The following KCNA2 variants were observed in gnomAD, a reference collection of about 807,000 sequenced individuals.
KCNA2 encodes the protein potassium channel, voltage gated shaker related subfamily A, member 2.
A neutral mutation model predicts 33.4 loss-of-function variants in KCNA2; 11 were observed. That is an observed-to-expected ratio of 0.33 (90% CI 0.21 to 0.55). The LOEUF (loss-of-function observed/expected upper bound fraction) is 0.55. Ranked by LOEUF, KCNA2 falls within the 20% of genes least tolerant of loss-of-function variation. KCNA2 has a pLI of 0.93. For synonymous variants in KCNA2, 222 were observed against 231.3 expected (o/e 0.96, Z 0.37); for missense variants, 291 against 621.6 (o/e 0.47, Z 5.66).
chr1:110,616,713 A>T (rs1650078238), intron 1 of KCNA2, among the ~76,000 whole-genome samples: 1 of 152,258 alleles, frequency 6.6e-6, no homozygotes, highest in Admixed American at 6.5e-5. Flanking sequence ...CTGTAGCCAC[A>T]TAGCCAGCAG....
In KCNA2 at chr1:110,604,987, T is replaced by C. The variant is rs1649534857; in HGVS notation, c.-163-42A>G. On this transcript the variant is annotated intron_variant, in intron 2 of 2. Coordinates refer to ENST00000316361, the MANE Select transcript of KCNA2 (RefSeq NM_004974.4). The surrounding 1 kb of genome is among the most constrained non-coding windows in gnomAD (Gnocchi z 7.6). ...GTTATTGACATGAGGCTACTCAGCA[T>C]TGGCAGCCTGACCTGGGTTGCCACT... is the stretch of plus-strand genomic sequence containing the variant. 7 of 561,616 alleles carry C rather than the reference T, an allele frequency of 1.2e-5. No individual in the cohort carries two copies. The highest frequency in any genetic ancestry group is 3.5e-5 in the Admixed American group (1 of 28,536). The allele number at this position is 561,616 out of a possible 1,614,324, so 34.8% of individuals were successfully genotyped here. A position where few individuals can be genotyped will look rare whatever the true frequency, so the allele number is the denominator to read the frequency against.
chr1:110,619,162 C>G (rs1018919447), intron 1 of KCNA2, among the ~76,000 whole-genome samples: 1 of 152,174 alleles, frequency 6.6e-6, no homozygotes, highest in African/African-American at 2.4e-5. Context: ...AGAATGCATC[C>G]CTGTGGCCTG....
chr1:110,600,540 T>A lies in KCNA2; in HGVS notation c.*2743A>T. On this transcript the variant is annotated 3_prime_UTR_variant, in exon 3 of 3. Transcript: ENST00000316361. ...TTATGTTAACCTGGTCTGTCTGTAT[T>A]TTGCACGTTACATGTTTTATGTTTG... 3.0e-6 allele frequency: 3 copies of A among 985,334 alleles called. No homozygotes were observed. The highest frequency in any genetic ancestry group is 3.6e-6 in the Non-Finnish European group (3 of 829,918). 61.0% of individuals were successfully genotyped at this position (985,334 alleles called of 1,614,324 possible). A position where few individuals can be genotyped will look rare whatever the true frequency, so the allele number is the denominator to read the frequency against.
intron 1 of KCNA2, among the ~76,000 whole-genome samples, chr1:110,615,502 C>T (rs2101443337): frequency 6.6e-6 from 1 of 152,302 alleles, no homozygotes; most frequent in South Asian, 2.1e-4. Context: ...AACTCTCCTG[C>T]TATGAGGAGG....
chr1:110,601,360 A>G lies in KCNA2; in HGVS notation c.*1923T>C. 2 of 985,454 alleles carry G rather than the reference A, an allele frequency of 2.0e-6. No individual in the cohort carries two copies. Among genetic ancestry groups the G allele is most frequent in the Non-Finnish European group, 2.4e-6 (2 of 829,948 alleles). The allele number at this position is 985,454 out of a possible 1,614,324, so 61.0% of individuals were successfully genotyped here. Reference sequence around the variant, plus strand: ...TCCTTGGTGTCCTTGGTTTCAAAGCAGGGGATCCATTCTGGCTCTTTAGCG... The same window carrying G: ...TCCTTGGTGTCCTTGGTTTCAAAGCGGGGGATCCATTCTGGCTCTTTAGCG... On this transcript the variant is annotated 3_prime_UTR_variant, in exon 3 of 3. Coordinates refer to ENST00000316361, the MANE Select transcript of KCNA2 (RefSeq NM_004974.4).
Position 110,596,334 on chromosome 1 carries a change from A to G in KCNA2, c.*6949T>C. ...AAAAATAGTATACATATATACATATACTATATATATATATATACACACATA... is the reference window on the plus strand; with the variant it reads ...AAAAATAGTATACATATATACATATGCTATATATATATATATACACACATA... On this transcript the variant is annotated 3_prime_UTR_variant, in exon 3 of 3. Coordinates refer to ENST00000316361, the MANE Select transcript of KCNA2 (RefSeq NM_004974.4). 1 of 402,602 alleles carries G rather than the reference A, an allele frequency of 2.5e-6. No individual in the cohort carries two copies. Among genetic ancestry groups the G allele is most frequent in the Non-Finnish European group, 3.3e-6 (1 of 302,346 alleles). 24.9% of individuals were successfully genotyped at this position (402,602 alleles called of 1,614,324 possible). A position where few individuals can be genotyped will look rare whatever the true frequency, so the allele number is the denominator to read the frequency against.
Position 110,597,040 on chromosome 1 carries a change from C to A in KCNA2, c.*6243G>T, listed in dbSNP as rs903788013. ...TTTCACTAATGTCATGCCCTAACCA[C>A]CCAAACTTCTATCCCTGTAGACTTC... is the stretch of plus-strand genomic sequence containing the variant. On this transcript the variant is annotated 3_prime_UTR_variant, in exon 3 of 3. Transcript: ENST00000316361. The A allele has an allele frequency of 2.0e-6, 2 of 985,346 alleles. No homozygotes were observed. The highest frequency in any genetic ancestry group is 1.7e-5 in the African/African-American group (1 of 57,234). 61.0% of individuals were successfully genotyped at this position (985,346 alleles called of 1,614,324 possible).
At chr1:110,619,419 G>T (rs1650174821) in intron 1 of KCNA2, among the ~76,000 whole-genome samples, 1 of 152,356 alleles carries the variant, frequency 6.6e-6, no homozygotes, top group African/African-American at 2.4e-5. Flanking sequence ...CCACTCCCAA[G>T]GGTATGGCTG....
At chr1:110,620,055 A>AGAGC (rs1227091768) in intron 1 of KCNA2, among the ~76,000 whole-genome samples, 76 of 72,884 alleles carry the variant, frequency 1.0e-3, no homozygotes, top group African/African-American at 2.9e-3. Context: ...AGCGAGAGCG[A>AGAGC]GAGAGAGAGA....
Position 110,599,788 on chromosome 1 carries a change from G to A in KCNA2, c.*3495C>T, listed in dbSNP as rs61784708. ...GCTGAATCTGGAGATCCCAGGTGCTGGGAGAAGGGGAGCCTGGGCTATTGG... is the reference window on the plus strand; with the variant it reads ...GCTGAATCTGGAGATCCCAGGTGCTAGGAGAAGGGGAGCCTGGGCTATTGG... On this transcript the variant is annotated 3_prime_UTR_variant, in exon 3 of 3. Coordinates refer to ENST00000316361, the MANE Select transcript of KCNA2 (RefSeq NM_004974.4). 65,047 of 985,506 alleles carry A rather than the reference G, an allele frequency of 0.066. 2,245 individuals carry two copies. The highest frequency in any genetic ancestry group is 0.089 in the Middle Eastern group (171 of 1,914). The allele number at this position is 985,506 out of a possible 1,614,324, so 61.0% of individuals were successfully genotyped here.
intron 1 of KCNA2, among the ~76,000 whole-genome samples, chr1:110,618,308 C>G (rs1363381747): frequency 6.6e-6 from 1 of 152,240 alleles, no homozygotes; most frequent in Non-Finnish European, 1.5e-5. Context: ...GATCGTGCCA[C>G]TGCACTCCTG....
In KCNA2 at chr1:110,604,904, C is replaced by T. The variant is rs1030723487; in HGVS notation, c.-122G>A. ...ATTGGCCTGGTCTCCTGCAGGAGAGCCCCGAGAGCTCTCTGAGAGCTGGAG... is the reference window on the plus strand; with the variant it reads ...ATTGGCCTGGTCTCCTGCAGGAGAGTCCCGAGAGCTCTCTGAGAGCTGGAG... On this transcript the variant is annotated 5_prime_UTR_variant, in exon 3 of 3. Coordinates refer to ENST00000316361, the MANE Select transcript of KCNA2 (RefSeq NM_004974.4). This position sits in a 1 kb window ranked among gnomAD's most constrained non-coding sequence, Gnocchi z 7.6. The T allele has an allele frequency of 6.7e-6, 6 of 898,208 alleles. No homozygotes were observed. The highest frequency in any genetic ancestry group is 1.0e-5 in the Non-Finnish European group (6 of 577,348). 55.6% of individuals were successfully genotyped at this position (898,208 alleles called of 1,614,324 possible). A position where few individuals can be genotyped will look rare whatever the true frequency, so the allele number is the denominator to read the frequency against.
chr1:110,597,896 T>C lies in KCNA2; in HGVS notation c.*5387A>G, dbSNP rs937477437. On this transcript the variant is annotated 3_prime_UTR_variant, in exon 3 of 3. Transcript: ENST00000316361. ...AAGCAGAAAAAAAGGAAAAGTAAACTAGGTTAGTTTGAGGAAGAGAACCTT... is the reference window on the plus strand; with the variant it reads ...AAGCAGAAAAAAAGGAAAAGTAAACCAGGTTAGTTTGAGGAAGAGAACCTT... 1 of 985,164 alleles carries C rather than the reference T, an allele frequency of 1.0e-6. No individual in the cohort carries two copies. Among genetic ancestry groups the C allele is most frequent in the African/African-American group, 1.7e-5 (1 of 57,194 alleles). 61.0% of individuals were successfully genotyped at this position (985,164 alleles called of 1,614,324 possible).
chr1:110,609,730 A>T (rs1182881831), upstream of KCNA2, among the ~76,000 whole-genome samples: 1 of 152,206 alleles, frequency 6.6e-6, no homozygotes, highest in Non-Finnish European at 1.5e-5. Flanking sequence ...AGGGGGAAAA[A>T]AAAGAACCAT....
At chr1:110,616,573 AC>A (rs933751075) in intron 1 of KCNA2, among the ~76,000 whole-genome samples, 6 of 152,244 alleles carry the variant, frequency 3.9e-5, no homozygotes, top group African/African-American at 1.4e-4. Flanking sequence ...GAGCCTGGGA[AC>A]AACCGAGCCA....
upstream of KCNA2, among the ~76,000 whole-genome samples, chr1:110,610,004 A>G (rs1649815639): frequency 6.6e-6 from 1 of 152,242 alleles, no homozygotes. Flanking sequence ...CAGCTAACTT[A>G]ACTGAGCCCC....
chr1:110,616,019 GAA>G (rs775595541), intron 1 of KCNA2, among the ~76,000 whole-genome samples: 9 of 152,226 alleles, frequency 5.9e-5, no homozygotes, highest in Non-Finnish European at 2.9e-5. Context: ...CACCAATTCA[GAA>G]AAAGAGAGAC....
chr1:110,602,115 G>A lies in KCNA2; in HGVS notation c.*1168C>T, dbSNP rs1225134970. 1 of 1,550,534 alleles carries A rather than the reference G, an allele frequency of 6.4e-7. No homozygotes were observed. The highest frequency in any genetic ancestry group is 1.2e-5 in the South Asian group (1 of 84,054). On this transcript the variant is annotated 3_prime_UTR_variant, in exon 3 of 3. Coordinates refer to ENST00000316361, the MANE Select transcript of KCNA2 (RefSeq NM_004974.4). ...AATTCCTAAGGTGCAGTCATGTGAG[G>A]TGTTCAGATGCTGCCTTCCCCGCTT... is the stretch of plus-strand genomic sequence containing the variant.
intron 1 of KCNA2, among the ~76,000 whole-genome samples, chr1:110,627,663 G>T (rs1215534738): frequency 1.3e-5 from 2 of 151,672 alleles, no homozygotes; most frequent in African/African-American, 4.8e-5. Flanking sequence ...GGGTAAGAAA[G>T]GAAAACAAAA....
Sources: gnomAD v4.1 joint callset for allele counts (sites outside exome capture counted in the v4.1 genomes callset) on GRCh38, gnomAD v4.1.1 for gene constraint, Gnocchi (gnomAD v3.1) non-coding constraint, MANE v1.5 for transcripts, NCBI Gene and HGNC (gene_info 2026-07-23, HGNC 2026-07-21) for gene names.